The following FBLN7 variants were observed in gnomAD, a reference collection of about 807,000 sequenced individuals.
FBLN7 encodes fibulin 7, also known as fibulin-7.
FBLN7 carries 31 observed loss-of-function variants against 44.0 expected under a neutral mutation model. The ratio of observed to expected loss-of-function variants is 0.70; its 90% CI spans 0.53 to 0.95. The LOEUF (loss-of-function observed/expected upper bound fraction) is 0.95, where lower values mean the gene tolerates loss of function less well. FBLN7 is among the 40% of genes least tolerant of loss of function. The pLI, the probability that FBLN7 is intolerant of heterozygous loss-of-function variation, is 0.00. For missense variants in FBLN7, 573 were observed against 618.5 expected, an observed-to-expected ratio of 0.93 and a Z score of 0.78; for synonymous variants, 262 against 253.4, an observed-to-expected ratio of 1.03 and a Z score of -0.32.
chr2:112,186,873 T>C (rs1481018603), intron 7 of FBLN7, among the ~76,000 whole-genome samples: 1 of 152,194 alleles, frequency 6.6e-6, no homozygotes, highest in Non-Finnish European at 1.5e-5. Flanking sequence ...TAAATAAATG[T>C]ATGTGCACAC....
At chr2:112,219,652 T>A in the FBLN7 span, among the ~76,000 whole-genome samples, 29 of 148,038 alleles carry the variant, frequency 2.0e-4, no homozygotes, top group Non-Finnish European at 3.0e-4. Context: ...GTGGGGTGAT[T>A]TTTTTTTTTA....
At chr2:112,153,956 G>A (rs868068719) in intron 1 of FBLN7, among the ~76,000 whole-genome samples, 3 of 152,126 alleles carry the variant, frequency 2.0e-5, no homozygotes, top group South Asian at 2.1e-4. Context: ...TCCTCCCCTC[G>A]CCCAGCTCTC....
At chr2:112,237,901 A>G in the FBLN7 span, among the ~76,000 whole-genome samples, 1 of 152,176 alleles carries the variant, frequency 6.6e-6, no homozygotes, top group African/African-American at 2.4e-5. Context: ...TTGCCCTCAT[A>G]TTTATGGCTA....
chr2:112,166,495 C>A (rs1682165224), intron 3 of FBLN7, among the ~76,000 whole-genome samples: 1 of 152,130 alleles, frequency 6.6e-6, no homozygotes, highest in African/African-American at 2.4e-5. Context: ...CTTTCCTGAC[C>A]CCTGGAAAGA....
the FBLN7 span, among the ~76,000 whole-genome samples, chr2:112,218,669 T>A: frequency 6.6e-6 from 1 of 152,184 alleles, no homozygotes; most frequent in East Asian, 1.9e-4. Context: ...TTCACTACAA[T>A]TTGGAAACAT....
At chr2:112,220,875 G>A in the FBLN7 span, among the ~76,000 whole-genome samples, 1 of 152,158 alleles carries the variant, frequency 6.6e-6, no homozygotes, top group Non-Finnish European at 1.5e-5. Flanking sequence ...CTCTCCAGCT[G>A]CCCTTAACCG....
At chr2:112,175,931 G>A (rs1682720079) in intron 4 of FBLN7, 92 bp downstream of exon 4, 3 of 1,462,980 alleles carry the variant, frequency 2.1e-6, no homozygotes, top group Non-Finnish European at 2.8e-6. Context: ...CATGTAGGGA[G>A]CTCAGTCCCC....
chr2:112,230,928 GA>G, the FBLN7 span: 1 of 1,270,036 alleles, frequency 7.9e-7, no homozygotes, highest in African/African-American at 1.6e-5. Context: ...TTATTTACAT[GA>G]CTTCTTTTCA....
At chr2:112,162,724 A>T (rs1681941152) in intron 2 of FBLN7, among the ~76,000 whole-genome samples, 1 of 152,144 alleles carries the variant, frequency 6.6e-6, no homozygotes, top group Admixed American at 6.5e-5. Context: ...GTATCCATTA[A>T]TCCACTCCAT....
chr2:112,173,169 A>G (rs566335869), intron 3 of FBLN7, among the ~76,000 whole-genome samples: 2 of 152,358 alleles, frequency 1.3e-5, no homozygotes, highest in South Asian at 4.1e-4. Context: ...CGTTGGAAAA[A>G]CAACAGAAGT....
chr2:112,232,056 G>A, the FBLN7 span: 1 of 549,946 alleles, frequency 1.8e-6, no homozygotes. Context: ...GGGCGAGGTG[G>A]CTCATGCCTG....
At chr2:112,147,408 T>C (rs1194220089) in intron 1 of FBLN7, among the ~76,000 whole-genome samples, 1 of 152,248 alleles carries the variant, frequency 6.6e-6, no homozygotes, top group African/African-American at 2.4e-5. Flanking sequence ...CATAATCCAC[T>C]ACAGAGCCAA....
intron 1 of FBLN7, among the ~76,000 whole-genome samples, chr2:112,151,032 T>C (rs1378647306): frequency 3.3e-5 from 5 of 151,998 alleles, no homozygotes; most frequent in African/African-American, 9.7e-5. Context: ...GAAAGACAAC[T>C]CTAGAGGACT....
At chr2:112,191,594 C>G (rs1007354640), downstream of FBLN7, among the ~76,000 whole-genome samples, 5 of 152,124 alleles carry the variant, frequency 3.3e-5, no homozygotes, top group Admixed American at 3.3e-4. Flanking sequence ...CTTATAAGAA[C>G]AATGCCAACC....
chr2:112,146,989 C>T lies in FBLN7; in HGVS notation c.75+8259C>T, dbSNP rs1439513251. Among the ~76,000 whole-genome samples, 5 of 152,132 alleles carry T rather than the reference C, an allele frequency of 3.3e-5. No homozygotes were observed. In the East Asian group the frequency reaches 7.7e-4, roughly 23 times the overall value. On this transcript the variant is annotated intron_variant, in intron 1 of 7. Coordinates refer to ENST00000331203, the MANE Select transcript of FBLN7 (RefSeq NM_153214.3). ...ATTTCCTTCTTGTCCTAGTTTGATA[C>T]AATACTTATTATGAATGGACATTGA...
intron 5 of FBLN7, 128 bp downstream of exon 5, chr2:112,182,004 C>A: frequency 1.7e-6 from 2 of 1,189,370 alleles, no homozygotes; most frequent in Non-Finnish European, 2.3e-6. Context: ...AAGGCCTGGC[C>A]ACTTTGCATT....
chr2:112,155,420 G>C (rs896443575), intron 1 of FBLN7, among the ~76,000 whole-genome samples: 4 of 152,156 alleles, frequency 2.6e-5, no homozygotes, highest in Non-Finnish European at 4.4e-5. Flanking sequence ...TCTGCTTCTC[G>C]GGCTCCCTGG....
chr2:112,233,295 T>C, the FBLN7 span: 3 of 1,598,588 alleles, frequency 1.9e-6, no homozygotes, highest in South Asian at 1.1e-5. Flanking sequence ...TCTGGTACAA[T>C]ATCCTTGTAC....
At chr2:112,180,922 C>CAAAAAAAAAAAAAAAAAAAAACA in intron 4 of FBLN7, among the ~76,000 whole-genome samples, 1 of 74,310 alleles carries the variant, frequency 1.3e-5, no homozygotes, top group Admixed American at 1.9e-4. Context: ...GACTCTGTCT[C>CAAAAAAAAAAAAAAAAAAAAACA]AAAAAAAAAA....
Sources: allele counts gnomAD v4.1 joint callset (sites outside exome capture counted in the v4.1 genomes callset), GRCh38; gene constraint gnomAD v4.1.1; transcripts MANE v1.5; gene names NCBI Gene and HGNC (gene_info 2026-07-23, HGNC 2026-07-21).